Variants in LRMDA observed in about 807,000 individuals in gnomAD.
LRMDA encodes leucine rich melanocyte differentiation associated.
A neutral mutation model predicts 29.8 loss-of-function variants in LRMDA; 18 were observed. The ratio of observed to expected loss-of-function variants is 0.60; its 90% confidence interval spans 0.42 to 0.90. The LOEUF (loss-of-function observed/expected upper bound fraction) is 0.90, where lower values mean the gene tolerates loss of function less well. Ranked by LOEUF, LRMDA falls within the 40% of genes least tolerant of loss-of-function variation. The probability of loss-of-function intolerance (pLI) is 0.00; values close to 1 mark genes in which losing one functional copy is unlikely to be tolerated. For missense variants in LRMDA, 273 were observed against 273.9 expected, an observed-to-expected ratio of 1.00 and a Z score of 0.02; for synonymous variants, 125 against 109.4, an observed-to-expected ratio of 1.14 and a Z score of -0.89.
At chr10:75,996,306 T>G (rs534629839) in intron 2 of LRMDA, among the ~76,000 whole-genome samples, 2 of 152,340 alleles carry the variant, frequency 1.3e-5, no homozygotes, top group African/African-American at 4.8e-5. Flanking sequence ...GATTTGAATC[T>G]AGGTTCATGG....
chr10:76,412,030 G>A lies in LRMDA; in HGVS notation c.601+87545G>A, dbSNP rs552184953. Among the ~76,000 whole-genome samples, 4 of 152,312 alleles carry A rather than the reference G, an allele frequency of 2.6e-5. No homozygotes were observed. The East Asian group carries it at 5.8e-4, about 22-fold the overall frequency. The stretch of plus-strand genomic sequence containing the variant: ...AGGCGCCAGCCTCTGTTTGCCAATG[G>A]TTTAGTTTGGTTTTGATGAGACCAA... On this transcript the variant is annotated intron_variant, in intron 6 of 6. Transcript: ENST00000611255.
intron 5 of LRMDA, among the ~76,000 whole-genome samples, chr10:76,318,140 A>G (rs545282091): frequency 2.9e-4 from 44 of 152,322 alleles, no homozygotes; most frequent in African/African-American, 1.0e-3. Flanking sequence ...TTTTGGAACC[A>G]CTGCTCTAGA....
chr10:76,166,207 A>C (rs1466427159), intron 5 of LRMDA, among the ~76,000 whole-genome samples: 1 of 152,214 alleles, frequency 6.6e-6, no homozygotes, highest in Admixed American at 6.5e-5. Context: ...GCTGTCTGTT[A>C]GGTTGAGTTC....
intron 2 of LRMDA, among the ~76,000 whole-genome samples, chr10:76,019,442 T>C (rs1396135457): frequency 6.6e-6 from 1 of 152,176 alleles, no homozygotes; most frequent in Non-Finnish European, 1.5e-5. Flanking sequence ...GCAGTTGACT[T>C]ATACAGATTT....
intron 6 of LRMDA, among the ~76,000 whole-genome samples, chr10:76,411,293 G>A (rs1028154021): frequency 6.6e-6 from 1 of 152,120 alleles, no homozygotes; most frequent in Non-Finnish European, 1.5e-5. Context: ...CTTGAGGATG[G>A]CTCTCCATAG....
Position 76,443,052 on chromosome 10 carries a change from A to G in LRMDA, c.602-114157A>G, listed in dbSNP as rs146565882. On this transcript the variant is annotated intron_variant, in intron 6 of 6. Coordinates refer to ENST00000611255, the MANE Select transcript of LRMDA (RefSeq NM_001305581.2). ...AACTGAGGCAAAAACACGGCCAAGGATGAATTAGCTATGGAGTCAGGAATA... is the reference window on the plus strand; with the variant it reads ...AACTGAGGCAAAAACACGGCCAAGGGTGAATTAGCTATGGAGTCAGGAATA... Among the ~76,000 whole-genome samples the G allele has an allele frequency of 1.3e-4, 20 of 152,278 alleles. No homozygotes were observed. In the East Asian group the frequency reaches 3.5e-3, roughly 27 times the overall value.
Position 76,495,886 on chromosome 10 carries a change from A to G in LRMDA, c.602-61323A>G, listed in dbSNP as rs374680384. ...TCCTGACACCTTATTGAACTTGCTTATTAATTTCAGGAGTTCTTTTATAGA... is the reference window on the plus strand; with the variant it reads ...TCCTGACACCTTATTGAACTTGCTTGTTAATTTCAGGAGTTCTTTTATAGA... On this transcript the variant is annotated intron_variant, in intron 6 of 6. Transcript: ENST00000611255. Among the ~76,000 whole-genome samples the G allele has an allele frequency of 1.1e-4, 9 of 78,500 alleles. 3 individuals are homozygous for G. The highest frequency in any genetic ancestry group is 5.9e-4 in the Admixed American group (5 of 8,544). 51.5% of individuals were successfully genotyped at this position (78,500 alleles called of 152,430 possible).
chr10:75,438,715 A>G (rs192419398), intron 2 of LRMDA, among the ~76,000 whole-genome samples: 1 of 152,304 alleles, frequency 6.6e-6, no homozygotes, highest in Admixed American at 6.5e-5. Flanking sequence ...CAGGCAGCAT[A>G]TTGAGCCTCA....
intron 2 of LRMDA, among the ~76,000 whole-genome samples, chr10:75,686,295 G>A (rs185289646): frequency 9.8e-5 from 15 of 152,302 alleles, no homozygotes; most frequent in African/African-American, 3.4e-4. Flanking sequence ...AATCTACCCA[G>A]AGTCTTCTTC....
At chr10:76,465,659 G>T (rs1442978214) in intron 6 of LRMDA, among the ~76,000 whole-genome samples, 3 of 152,162 alleles carry the variant, frequency 2.0e-5, no homozygotes, top group Non-Finnish European at 2.9e-5. Flanking sequence ...TTTAAGTAGG[G>T]TATGAGATTT....
intron 5 of LRMDA, among the ~76,000 whole-genome samples, chr10:76,130,136 C>A: frequency 6.9e-6 from 1 of 145,554 alleles, no homozygotes. Context: ...TTTTTGGACA[C>A]TTCTTGACTA....
At chr10:75,539,635 T>C (rs1839991888) in intron 2 of LRMDA, among the ~76,000 whole-genome samples, 2 of 152,234 alleles carry the variant, frequency 1.3e-5, no homozygotes, top group Non-Finnish European at 2.9e-5. Flanking sequence ...ACTTCTCACA[T>C]GGTTTTCTCT....
chr10:75,440,223 A>G (rs1844311968), intron 2 of LRMDA, among the ~76,000 whole-genome samples: 1 of 146,520 alleles, frequency 6.8e-6, no homozygotes, highest in Non-Finnish European at 1.5e-5. Context: ...GAAATGACAC[A>G]TACTAGATGC....
chr10:76,003,750 TA>T (rs1327546612), intron 2 of LRMDA, among the ~76,000 whole-genome samples: 4 of 152,120 alleles, frequency 2.6e-5, no homozygotes, highest in Non-Finnish European at 5.9e-5. Flanking sequence ...TAGTGTCTGA[TA>T]GGGGGAGGAA....
At chr10:76,259,728 C>CAT (rs199818288) in intron 5 of LRMDA, among the ~76,000 whole-genome samples, 1,531 of 151,564 alleles carry the variant, frequency 0.01, 11 homozygotes, top group African/African-American at 0.028. Context: ...ATATTTGTTA[C>CAT]ATATATATAT....
chr10:76,218,832 C>A (rs1851775445), intron 5 of LRMDA, among the ~76,000 whole-genome samples: 1 of 152,198 alleles, frequency 6.6e-6, no homozygotes, highest in Non-Finnish European at 1.5e-5. Flanking sequence ...ATTGTTGTTT[C>A]TAACCTGATA....
chr10:76,141,277 G>A (rs1384177466), intron 5 of LRMDA, among the ~76,000 whole-genome samples: 1 of 152,016 alleles, frequency 6.6e-6, no homozygotes, highest in African/African-American at 2.4e-5. Flanking sequence ...AGAACATGAA[G>A]GGTGGAGAGA....
At chr10:75,928,343 G>A (rs746203563) in intron 2 of LRMDA, among the ~76,000 whole-genome samples, 3 of 151,558 alleles carry the variant, frequency 2.0e-5, no homozygotes, top group Admixed American at 1.3e-4. Flanking sequence ...TCTATTGCTC[G>A]GGCAAAAGCA....
intron 2 of LRMDA, among the ~76,000 whole-genome samples, chr10:75,931,620 G>A (rs1237133477): frequency 6.6e-6 from 1 of 152,178 alleles, no homozygotes; most frequent in African/African-American, 2.4e-5. Flanking sequence ...ACCAGAATCT[G>A]TATTATTTCC....
Sources: allele counts gnomAD v4.1 joint callset (sites outside exome capture counted in the v4.1 genomes callset), GRCh38; gene constraint gnomAD v4.1.1; transcripts MANE v1.5; gene names NCBI Gene and HGNC (gene_info 2026-07-23, HGNC 2026-07-21).